ORAI2: variants seen among roughly 807,000 people sequenced by gnomAD.
ORAI2 encodes ORAI calcium release-activated calcium modulator 2, also known as protein orai-2.
In ORAI2, 10 loss-of-function variants were observed where a neutral mutation model predicts 16.2. That is an observed-to-expected ratio of 0.62 (90% CI 0.38 to 1.04). The LOEUF is 1.04. Ranked by LOEUF, ORAI2 falls within the 50% of genes least tolerant of loss-of-function variation. The probability of loss-of-function intolerance (pLI) is 0.01; values close to 1 mark genes in which losing one functional copy is unlikely to be tolerated. For synonymous variants in ORAI2, 150 were observed against 157.5 expected (o/e 0.95, Z 0.35); for missense variants, 238 against 355.5 (o/e 0.67, Z 2.66).
At chr7:102,437,487 T>C (rs771606227) in intron 2 of ORAI2, among the ~76,000 whole-genome samples, 4 of 152,026 alleles carry the variant, frequency 2.6e-5, no homozygotes, top group Non-Finnish European at 4.4e-5. Flanking sequence ...TGGTGGCACA[T>C]GCCTGTAATC....
chr7:102,436,345 C>A lies in ORAI2; in HGVS notation c.-14+12C>A, dbSNP rs779928995. 10 of 985,346 alleles carry A rather than the reference C, an allele frequency of 1.0e-5. No individual in the cohort carries two copies. The highest frequency in any genetic ancestry group is 1.2e-5 in the Non-Finnish European group (10 of 829,872). 61.0% of individuals were successfully genotyped at this position (985,346 alleles called of 1,614,324 possible). The stretch of plus-strand genomic sequence containing the variant: ...GTATAAATGACCTGGTAATTGGCAT[C>A]CCCTGGCAGAAATAGCACAGAACTG... On this transcript the variant is annotated intron_variant, in intron 2 of 3. Coordinates refer to ENST00000495936, the MANE Select transcript of ORAI2 (RefSeq NM_001126340.3).
rs958912968 is a variant in ORAI2 at position 102,451,506 on chromosome 7, T to G, written c.*4454T>G. On this transcript the variant is annotated 3_prime_UTR_variant, in exon 4 of 4. Coordinates refer to ENST00000495936, the MANE Select transcript of ORAI2 (RefSeq NM_001126340.3). ...TTACCTGCCTCGTGCTGATGATCTA[T>G]GCATGGCGTTATGTAGATCACGTGC... 1 of 152,306 alleles carries G rather than the reference T, an allele frequency of 6.6e-6. No homozygotes were observed. The allele number at this position is 152,306 out of a possible 1,614,324, so 9.4% of individuals were successfully genotyped here.
At position 102,452,493 on chromosome 7, in the gene ORAI2, A is replaced by C. The variant is rs1347460847; in HGVS notation, c.*5441A>C. On this transcript the variant is annotated 3_prime_UTR_variant, in exon 4 of 4. Transcript: ENST00000495936. The stretch of plus-strand genomic sequence containing the variant: ...ATTGCCCAGGCCAGAGCTGGAGTGC[A>C]GTGGTGCAATCATAGCTCTCTGCAG... 6.6e-6 allele frequency: 1 copy of C among 152,028 alleles called. No individual in the cohort carries two copies. The highest frequency in any genetic ancestry group is 1.5e-5 in the Non-Finnish European group (1 of 68,056). 9.4% of individuals were successfully genotyped at this position (152,028 alleles called of 1,614,324 possible). A position where few individuals can be genotyped will look rare whatever the true frequency, so the allele number is the denominator to read the frequency against.
intron 3 of ORAI2, among the ~76,000 whole-genome samples, chr7:102,444,192 TC>T (rs1202818396): frequency 1.3e-5 from 2 of 152,152 alleles, no homozygotes; most frequent in African/African-American, 4.8e-5. Context: ...CATTCATAGC[TC>T]ACTGCAGCCT....
intron 1 of ORAI2, among the ~76,000 whole-genome samples, chr7:102,435,529 C>A (rs6950952): frequency 4.2e-5 from 6 of 142,176 alleles, no homozygotes; most frequent in Non-Finnish European, 7.5e-5. Flanking sequence ...GAGGATTGCC[C>A]CCCCCTCTTT....
intron 3 of ORAI2, among the ~76,000 whole-genome samples, chr7:102,445,899 T>G: frequency 7.9e-6 from 1 of 127,146 alleles, no homozygotes; most frequent in African/African-American, 2.7e-5. Flanking sequence ...CTTTCTCTCT[T>G]TCTCTTTCTC....
intron 3 of ORAI2, among the ~76,000 whole-genome samples, chr7:102,445,312 C>G (rs1322538869): frequency 6.9e-6 from 1 of 143,904 alleles, no homozygotes; most frequent in East Asian, 2.1e-4. Flanking sequence ...TTTTTTTTGT[C>G]AAGATGGGCT....
intron 3 of ORAI2, among the ~76,000 whole-genome samples, chr7:102,442,756 T>C (rs1480597629): frequency 6.6e-6 from 1 of 151,118 alleles, no homozygotes; most frequent in African/African-American, 2.4e-5. Flanking sequence ...CTCGGGAGGC[T>C]GAAGTGGGAG....
rs1201379733 is a variant in ORAI2 at position 102,455,367 on chromosome 7, A to G, written c.*8315A>G. Reference sequence around the variant, plus strand: ...CGTGGGTCTTCGTGTCACAGCTTCAAGGACAGACCCAACTCTGGTATCACA... The same window carrying G: ...CGTGGGTCTTCGTGTCACAGCTTCAGGGACAGACCCAACTCTGGTATCACA... On this transcript the variant is annotated 3_prime_UTR_variant, in exon 4 of 4. Transcript: ENST00000495936. The G allele has an allele frequency of 6.6e-6, 1 of 152,228 alleles. No homozygotes were observed. Among genetic ancestry groups the G allele is most frequent in the African/African-American group, 2.4e-5 (1 of 41,442 alleles). The allele number at this position is 152,228 out of a possible 1,614,324, so 9.4% of individuals were successfully genotyped here.
At chr7:102,434,416 A>G (rs2133218172) in intron 1 of ORAI2, among the ~76,000 whole-genome samples, 1 of 152,234 alleles carries the variant, frequency 6.6e-6, no homozygotes, top group South Asian at 2.1e-4. Flanking sequence ...CGTTTCCTCC[A>G]CAATCCCACC....
Position 102,450,646 on chromosome 7 carries a change from C to T in ORAI2, c.*3594C>T, listed in dbSNP as rs111967708. 6.6e-6 allele frequency: 1 copy of T among 152,328 alleles called. No homozygotes were observed. The highest frequency in any genetic ancestry group is 1.5e-5 in the Non-Finnish European group (1 of 68,126). 9.4% of individuals were successfully genotyped at this position (152,328 alleles called of 1,614,324 possible). On this transcript the variant is annotated 3_prime_UTR_variant, in exon 4 of 4. Coordinates refer to ENST00000495936, the MANE Select transcript of ORAI2 (RefSeq NM_001126340.3). ...CTTGTTCTCTTTCTCCTAGGGTTCT[C>T]GTTCTCCCAGCTCCAGCCTTTCTAG...
rs11303681 is a variant in ORAI2 at position 102,448,881 on chromosome 7, T to TA, written c.*1844dup. The TA allele has an allele frequency of 5.0e-4, 73 of 147,234 alleles. No homozygotes were observed. Among genetic ancestry groups the TA allele is most frequent in the African/African-American group, 9.5e-4 (38 of 39,894 alleles). The allele number at this position is 147,234 out of a possible 1,614,324, so 9.1% of individuals were successfully genotyped here. A position where few individuals can be genotyped will look rare whatever the true frequency, so the allele number is the denominator to read the frequency against. ...TGGGCAACAAGAGCGAAACTTTGTC[T>TA]AAAAAAAAAAAAAAATCACTGGGCT... On this transcript the variant is annotated 3_prime_UTR_variant, in exon 4 of 4. Transcript: ENST00000495936.
In ORAI2 at chr7:102,455,275, C is replaced by T. The variant is rs1024520247; in HGVS notation, c.*8223C>T. ...GAGGCTATGGGGCCGTGTACGGGGG[C>T]CAGGCTGTGGCAGAAGCATCCTGGC... On this transcript the variant is annotated 3_prime_UTR_variant, in exon 4 of 4. Coordinates refer to ENST00000495936, the MANE Select transcript of ORAI2 (RefSeq NM_001126340.3). 9 of 152,184 alleles carry T rather than the reference C, an allele frequency of 5.9e-5. No individual in the cohort carries two copies. The highest frequency in any genetic ancestry group is 8.8e-5 in the Non-Finnish European group (6 of 68,056). The allele number at this position is 152,184 out of a possible 1,614,324, so 9.4% of individuals were successfully genotyped here.
intron 3 of ORAI2, among the ~76,000 whole-genome samples, chr7:102,442,029 C>T (rs1797218976): frequency 6.6e-6 from 1 of 152,102 alleles, no homozygotes; most frequent in African/African-American, 2.4e-5. Flanking sequence ...CTTTGTCTAG[C>T]AACACGTGCT....
Position 102,451,993 on chromosome 7 carries a change from T to A in ORAI2, c.*4941T>A, listed in dbSNP as rs1356036164. ...CCACCTGGACAGGGTCAGCTTGGCGTTCCCCCCAGTCCCTTGAGGAGAGGA... is the reference window on the plus strand; with the variant it reads ...CCACCTGGACAGGGTCAGCTTGGCGATCCCCCCAGTCCCTTGAGGAGAGGA... On this transcript the variant is annotated 3_prime_UTR_variant, in exon 4 of 4. Coordinates refer to ENST00000495936, the MANE Select transcript of ORAI2 (RefSeq NM_001126340.3). The A allele has an allele frequency of 6.6e-6, 1 of 152,250 alleles. No homozygotes were observed. 9.4% of individuals were successfully genotyped at this position (152,250 alleles called of 1,614,324 possible).
At chr7:102,442,981 C>G (rs1296629798) in intron 3 of ORAI2, among the ~76,000 whole-genome samples, 1 of 151,462 alleles carries the variant, frequency 6.6e-6, no homozygotes, top group Non-Finnish European at 1.5e-5. Flanking sequence ...GACAGCGCCA[C>G]TGCACTCCAG....
At chr7:102,438,485 T>A (rs1028057265) in intron 2 of ORAI2, among the ~76,000 whole-genome samples, 2 of 151,702 alleles carry the variant, frequency 1.3e-5, no homozygotes, top group African/African-American at 4.8e-5. Context: ...TAACTTTAGG[T>A]CCTGGAAGGC....
chr7:102,445,294 T>TTTG (rs1378429332), intron 3 of ORAI2, among the ~76,000 whole-genome samples: 3 of 119,584 alleles, frequency 2.5e-5, no homozygotes, highest in South Asian at 2.5e-4. Context: ...GTTTCCGTTT[T>TTTG]TTGTTTTTTT....
Position 102,452,071 on chromosome 7 carries a change from G to A in ORAI2, c.*5019G>A, listed in dbSNP as rs112797429. 8,292 of 152,224 alleles carry A rather than the reference G, an allele frequency of 0.054. 313 individuals carry two copies. Among genetic ancestry groups the A allele is most frequent in the Non-Finnish European group, 0.081 (5,501 of 68,038 alleles). The allele number at this position is 152,224 out of a possible 1,614,324, so 9.4% of individuals were successfully genotyped here. On this transcript the variant is annotated 3_prime_UTR_variant, in exon 4 of 4. Transcript: ENST00000495936. Reference sequence around the variant, plus strand: ...CATTCTCCAGCCCCAAGTCCCTGTGGGGCAGCAGGAACAGGTGGGTCCCTC... The same window carrying A: ...CATTCTCCAGCCCCAAGTCCCTGTGAGGCAGCAGGAACAGGTGGGTCCCTC...
Sources: allele counts gnomAD v4.1 joint callset (sites outside exome capture counted in the v4.1 genomes callset), GRCh38; gene constraint gnomAD v4.1.1; transcripts MANE v1.5; gene names NCBI Gene and HGNC (gene_info 2026-07-23, HGNC 2026-07-21).